The following SLC2A9 variants were observed in gnomAD, a reference collection of about 807,000 sequenced individuals.
The protein encoded by SLC2A9 is solute carrier family 2 member 9.
A neutral mutation model predicts 50.6 loss-of-function variants in SLC2A9; 39 were observed. That is an observed-to-expected ratio of 0.77 (90% CI 0.60 to 1.01). The LOEUF (loss-of-function observed/expected upper bound fraction) is 1.01, where lower values mean the gene tolerates loss of function less well. Among genes scored for constraint, SLC2A9 ranks in the 50% least tolerant of loss-of-function variants. SLC2A9 has a pLI of 0.00. For synonymous variants in SLC2A9, 324 were observed against 276.9 expected (o/e 1.17, Z -1.69); for missense variants, 686 against 677.6 (o/e 1.01, Z -0.14).
chr4:10,006,985 C>T (rs537093711), intron 2 of SLC2A9, among the ~76,000 whole-genome samples: 134 of 152,104 alleles, frequency 8.8e-4, no homozygotes, highest in African/African-American at 3.1e-3. Context: ...GGGGATGAAG[C>T]GCGTCCCGTG....
intron 10 of SLC2A9, among the ~76,000 whole-genome samples, chr4:9,867,628 G>A (rs73094403): frequency 3.8e-3 from 576 of 152,220 alleles, no homozygotes; most frequent in African/African-American, 0.013. Context: ...CCTTTCCCTC[G>A]CCCCATCATG....
intron 10 of SLC2A9, among the ~76,000 whole-genome samples, chr4:9,886,178 C>T (rs1360918362): frequency 2.0e-5 from 3 of 152,224 alleles, no homozygotes; most frequent in Non-Finnish European, 4.4e-5. Context: ...GAGACTGCTC[C>T]TGTCTGGTTT....
At chr4:9,882,756 C>T (rs1348128748) in intron 10 of SLC2A9, among the ~76,000 whole-genome samples, 1 of 150,826 alleles carries the variant, frequency 6.6e-6, no homozygotes, top group South Asian at 2.1e-4. Context: ...AAGGATTTAG[C>T]AGCTGATCTA....
chr4:9,850,826 G>A (rs748910366), intron 10 of SLC2A9, among the ~76,000 whole-genome samples: 3 of 152,056 alleles, frequency 2.0e-5, no homozygotes, highest in East Asian at 1.9e-4. Flanking sequence ...TGGCATGTGC[G>A]TACCCTGCTG....
At chr4:9,839,630 G>C (rs1276476423) in intron 10 of SLC2A9, among the ~76,000 whole-genome samples, 3 of 152,056 alleles carry the variant, frequency 2.0e-5, no homozygotes, top group Non-Finnish European at 4.4e-5. Flanking sequence ...ATACACTATG[G>C]AATACTATGC....
chr4:9,776,367 A>T (rs1717570139), downstream of SLC2A9, among the ~76,000 whole-genome samples: 1 of 151,968 alleles, frequency 6.6e-6, no homozygotes, highest in African/African-American at 2.4e-5. Flanking sequence ...CTCGCCACTG[A>T]TATTCAGCCT....
chr4:9,872,793 C>T (rs1412898441), intron 10 of SLC2A9, among the ~76,000 whole-genome samples: 1 of 152,184 alleles, frequency 6.6e-6, no homozygotes, highest in African/African-American at 2.4e-5. Context: ...CTGATCAAAG[C>T]TGTTAGAACC....
At chr4:9,869,178 C>A (rs1419704336) in intron 10 of SLC2A9, among the ~76,000 whole-genome samples, 1 of 152,214 alleles carries the variant, frequency 6.6e-6, no homozygotes, top group Non-Finnish European at 1.5e-5. Context: ...GACTTTTCCA[C>A]AGAGAAAACG....
chr4:9,902,041 G>T (rs1286659629), intron 8 of SLC2A9, among the ~76,000 whole-genome samples: 1 of 152,166 alleles, frequency 6.6e-6, no homozygotes, highest in Non-Finnish European at 1.5e-5. Context: ...GAGCTGCTCA[G>T]GTTCACTGTG....
chr4:9,811,275 TG>T (rs775039834), intron 3 of SLC2A9, among the ~76,000 whole-genome samples: 10 of 152,212 alleles, frequency 6.6e-5, no homozygotes, highest in Non-Finnish European at 1.3e-4. Context: ...GATGTGACTT[TG>T]GGGGCCTCTC....
chr4:9,837,682 C>T (rs1727316891), intron 10 of SLC2A9, among the ~76,000 whole-genome samples: 2 of 152,208 alleles, frequency 1.3e-5, no homozygotes, highest in Non-Finnish European at 2.9e-5. Flanking sequence ...ATACCAGGTG[C>T]TCTGTAAGTG....
At chr4:9,850,463 C>T (rs903039765) in intron 10 of SLC2A9, among the ~76,000 whole-genome samples, 8 of 152,090 alleles carry the variant, frequency 5.3e-5, no homozygotes, top group Admixed American at 3.3e-4. Context: ...GGGATGAGGC[C>T]GGTACATTCT....
At chr4:9,778,678 T>C (rs1717899322), downstream of SLC2A9, among the ~76,000 whole-genome samples, 1 of 152,204 alleles carries the variant, frequency 6.6e-6, no homozygotes, top group Non-Finnish European at 1.5e-5. Flanking sequence ...ATCCATTCTC[T>C]ATCACAAAAG....
downstream of SLC2A9, among the ~76,000 whole-genome samples, chr4:9,795,203 G>C (rs139296162): frequency 3.8e-3 from 575 of 151,896 alleles, 2 homozygotes; most frequent in Non-Finnish European, 4.8e-3. Context: ...AGTATAGACA[G>C]GGTTTCACCA....
At chr4:9,863,868 G>A (rs1488400445) in intron 10 of SLC2A9, among the ~76,000 whole-genome samples, 3 of 152,100 alleles carry the variant, frequency 2.0e-5, no homozygotes, top group Admixed American at 6.5e-5. Context: ...TCGAGTTGAT[G>A]TATTGCTCTT....
chr4:9,797,489 C>T (rs1285555512), downstream of SLC2A9, among the ~76,000 whole-genome samples: 1 of 152,162 alleles, frequency 6.6e-6, no homozygotes, highest in East Asian at 1.9e-4. Context: ...TTGGCAGGAG[C>T]CCAAGTCTGC....
At chr4:9,775,557 C>T (rs1323930202), downstream of SLC2A9, among the ~76,000 whole-genome samples, 1 of 151,884 alleles carries the variant, frequency 6.6e-6, no homozygotes, top group Non-Finnish European at 1.5e-5. Flanking sequence ...GGGGTAGATC[C>T]CCCATGGCTT....
chr4:9,941,218 CT>C (rs1397740479), intron 6 of SLC2A9, among the ~76,000 whole-genome samples: 3 of 152,136 alleles, frequency 2.0e-5, no homozygotes. Context: ...ATAATTTTGC[CT>C]TTTCAGGGCT....
chr4:9,891,813 G>A (rs968577707), intron 8 of SLC2A9, among the ~76,000 whole-genome samples: 1 of 152,200 alleles, frequency 6.6e-6, no homozygotes, highest in Non-Finnish European at 1.5e-5. Flanking sequence ...ATTAGTGGGG[G>A]AAAAGGTTTT....
Sources: gnomAD v4.1 joint callset for allele counts (sites outside exome capture counted in the v4.1 genomes callset) on GRCh38, gnomAD v4.1.1 for gene constraint, MANE v1.5 for transcripts, NCBI Gene and HGNC (gene_info 2026-07-23, HGNC 2026-07-21) for gene names.